Variants in APBB2 observed in about 807,000 individuals in gnomAD.
APBB2 encodes the protein Fe65-like 1.
Under a neutral mutation model 82.5 loss-of-function variants are expected in APBB2, and 38 were observed. The observed-to-expected ratio is 0.46, with a 90% confidence interval of 0.36 to 0.60. The LOEUF is 0.60. APBB2 is among the 20% of genes least tolerant of loss of function. The pLI, the probability that APBB2 is intolerant of heterozygous loss-of-function variation, is 0.00. For synonymous variants in APBB2, 341 were observed against 368.2 expected (o/e 0.93, Z 0.85); for missense variants, 772 against 972.3 (o/e 0.79, Z 2.74).
chr4:41,128,273 G>A (rs1754970031), intron 2 of APBB2, among the ~76,000 whole-genome samples: 1 of 152,126 alleles, frequency 6.6e-6, no homozygotes, highest in Non-Finnish European at 1.5e-5. Context: ...AACAACAGAT[G>A]CTGGTGAGGC....
chr4:40,911,809 C>T (rs1003014425), intron 10 of APBB2, among the ~76,000 whole-genome samples: 1 of 152,200 alleles, frequency 6.6e-6, no homozygotes, highest in African/African-American at 2.4e-5. Context: ...GGAGCCGAGC[C>T]TCCATGCAGA....
intron 11 of APBB2, among the ~76,000 whole-genome samples, chr4:40,892,241 A>G (rs1335014477): frequency 6.6e-6 from 1 of 152,180 alleles, no homozygotes; most frequent in Non-Finnish European, 1.5e-5. Flanking sequence ...ATAAGCCACT[A>G]TGCTCAGCCA....
chr4:41,168,386 T>C (rs947477731), intron 1 of APBB2, among the ~76,000 whole-genome samples: 5 of 151,944 alleles, frequency 3.3e-5, no homozygotes, highest in Middle Eastern at 3.4e-3. Context: ...TATTTTTTTA[T>C]TTTTTTCCTC....
rs59172492 is a variant in APBB2, at chr4:40,948,890, C to CA, written c.836-3818dup. Reference sequence around the variant, plus strand: ...GGTGACAGAAGTGAGATCCTGTCTCCAAAAAAAAAAAAAAAAAAAAAAAAA... The same window carrying CA: ...GGTGACAGAAGTGAGATCCTGTCTCCAAAAAAAAAAAAAAAAAAAAAAAAAA... On this transcript the variant is annotated intron_variant, in intron 6 of 17. Transcript: ENST00000508593. Among the ~76,000 whole-genome samples the CA allele has an allele frequency of 5.5e-3, 557 of 101,572 alleles. 40 individuals carry two copies. Among genetic ancestry groups the CA allele is most frequent in the African/African-American group, 0.018 (440 of 24,626 alleles). The allele number at this position is 101,572 out of a possible 152,430, so 66.6% of individuals were successfully genotyped here. A position where few individuals can be genotyped will look rare whatever the true frequency, so the allele number is the denominator to read the frequency against.
chr4:41,078,649 G>A (rs1736480115), intron 3 of APBB2, among the ~76,000 whole-genome samples: 1 of 152,196 alleles, frequency 6.6e-6, no homozygotes, highest in Admixed American at 6.5e-5. Flanking sequence ...CTGGACACCA[G>A]TGCACAAGGA....
At chr4:40,967,698 A>G (rs1329100036) in intron 6 of APBB2, among the ~76,000 whole-genome samples, 1 of 152,138 alleles carries the variant, frequency 6.6e-6, no homozygotes, top group Admixed American at 6.6e-5. Context: ...CAGGTGTGGG[A>G]TCCAGGCTAG....
chr4:41,180,529 T>TGG (rs143670275), intron 1 of APBB2, among the ~76,000 whole-genome samples: 1 of 151,800 alleles, frequency 6.6e-6, no homozygotes, highest in African/African-American at 2.4e-5. Flanking sequence ...AACTACTTGA[T>TGG]GGGGGGGCAG....
intron 10 of APBB2, among the ~76,000 whole-genome samples, chr4:40,931,433 G>A (rs768278102): frequency 3.9e-5 from 6 of 152,068 alleles, no homozygotes; most frequent in Non-Finnish European, 7.4e-5. Context: ...ACCACACCCA[G>A]CTATTTTTTT....
At chr4:41,100,149 G>T (rs147023118) in intron 3 of APBB2, among the ~76,000 whole-genome samples, 1 of 152,204 alleles carries the variant, frequency 6.6e-6, no homozygotes, top group African/African-American at 2.4e-5. Context: ...CCAAGACAAA[G>T]CTACATGAAG....
intron 12 of APBB2, among the ~76,000 whole-genome samples, chr4:40,890,099 A>G (rs1257570222): frequency 1.3e-5 from 2 of 152,204 alleles, no homozygotes; most frequent in Non-Finnish European, 2.9e-5. Flanking sequence ...TTGCATGAGG[A>G]GGGTCAGGAG....
chr4:40,943,441 A>G (rs867229743), intron 7 of APBB2, among the ~76,000 whole-genome samples: 1 of 152,232 alleles, frequency 6.6e-6, no homozygotes, highest in Non-Finnish European at 1.5e-5. Context: ...AAGGGAGAGC[A>G]CGTCTGTGCC....
chr4:40,904,775 T>A lies in APBB2; in HGVS notation c.1255-11364A>T, dbSNP rs935482457. ...AGAGGTGTCTGGGGATTCTCTGGAG[T>A]GAAGCTTGACCCAGTTCTCCATCCG... On this transcript the variant is annotated intron_variant, in intron 10 of 17. Coordinates refer to ENST00000508593, the MANE Select transcript of APBB2 (RefSeq NM_004307.2). Among the ~76,000 whole-genome samples the A allele has an allele frequency of 3.6e-4, 54 of 149,710 alleles. 1 individual carries two copies. Among genetic ancestry groups the A allele is most frequent in the Admixed American group, 6.8e-5 (1 of 14,702 alleles).
intron 6 of APBB2, among the ~76,000 whole-genome samples, chr4:41,004,332 G>A (rs1322975352): frequency 6.6e-6 from 1 of 152,120 alleles, no homozygotes; most frequent in Non-Finnish European, 1.5e-5. Flanking sequence ...GCTATCCAAG[G>A]TTTGGAGTGG....
At chr4:41,092,119 T>C (rs538993059) in intron 3 of APBB2, among the ~76,000 whole-genome samples, 14 of 152,316 alleles carry the variant, frequency 9.2e-5, no homozygotes, top group African/African-American at 3.1e-4. Context: ...ACAACAGACA[T>C]GCATCAAGGG....
chr4:41,105,691 T>C (rs1746939016), intron 2 of APBB2, among the ~76,000 whole-genome samples: 2 of 152,266 alleles, frequency 1.3e-5, no homozygotes, highest in African/African-American at 2.4e-5. Context: ...GAGACCATCC[T>C]GGCTAACACA....
At chr4:41,138,475 A>C (rs749223613) in intron 2 of APBB2, among the ~76,000 whole-genome samples, 3 of 151,018 alleles carry the variant, frequency 2.0e-5, no homozygotes, top group African/African-American at 7.3e-5. Context: ...TGCAAATCAT[A>C]TATCCAATAA....
chr4:40,993,897 T>C (rs895146088), intron 6 of APBB2, among the ~76,000 whole-genome samples: 1 of 151,942 alleles, frequency 6.6e-6, no homozygotes, highest in African/African-American at 2.4e-5. Flanking sequence ...TCTCAAATGA[T>C]GCATAGAGGA....
At chr4:40,964,511 G>A (rs1028727395) in intron 6 of APBB2, among the ~76,000 whole-genome samples, 17 of 150,958 alleles carry the variant, frequency 1.1e-4, no homozygotes, top group Non-Finnish European at 2.4e-4. Context: ...CAGCAATATC[G>A]AGAGTGTATG....
chr4:41,059,491 G>A (rs1327072278), intron 4 of APBB2, among the ~76,000 whole-genome samples: 3 of 152,240 alleles, frequency 2.0e-5, no homozygotes, highest in Non-Finnish European at 1.5e-5. Context: ...TGGCCCTAAC[G>A]CCCAAGCTGG....
Sources: allele counts gnomAD v4.1 joint callset (sites outside exome capture counted in the v4.1 genomes callset), GRCh38; gene constraint gnomAD v4.1.1; transcripts MANE v1.5; gene names NCBI Gene and HGNC (gene_info 2026-07-23, HGNC 2026-07-21).